The following CBLL1 variants were observed in gnomAD, a reference collection of about 807,000 sequenced individuals.
CBLL1 encodes the protein E3 ubiquitin-protein ligase Hakai.
CBLL1 carries 4 observed loss-of-function variants against 44.9 expected under a neutral mutation model. The ratio of observed to expected loss-of-function variants is 0.09; its 90% confidence interval spans 0.04 to 0.20. The LOEUF is 0.20. CBLL1 is among the 10% of genes least tolerant of loss of function. The probability of loss-of-function intolerance (pLI) is 1.00; values close to 1 mark genes in which losing one functional copy is unlikely to be tolerated. For missense variants in CBLL1, 569 were observed against 636.7 expected (o/e 0.89, Z 1.14); for synonymous variants, 235 against 202.2 (o/e 1.16, Z -1.38).
In CBLL1 at chr7:107,758,409, A is replaced by G; in HGVS notation, c.707A>G (p.Gln236Arg). Residue 236 changes from glutamine (Q) to arginine (R), a missense_variant, in exon 6 of 6, where the codon CAG becomes CGG. By Grantham distance (43) the Gln-to-Arg change is conservative (BLOSUM62 1). Coordinates refer to ENST00000440859, the MANE Select transcript of CBLL1 (RefSeq NM_024814.4). This position sits in a 1 kb window ranked among gnomAD's most constrained non-coding sequence, Gnocchi z 4.2. ...CATATGAGCCATATTCCGCCAAAGCAGCACATCATGATGCCACCACCTCCT... is the reference window on the plus strand; with the variant it reads ...CATATGAGCCATATTCCGCCAAAGCGGCACATCATGATGCCACCACCTCCT... ...KHHMSHIPPK[Q>R]HIMMPPPPLQ... 6.8e-6 allele frequency: 11 copies of G among 1,614,152 alleles called. No individual in the cohort carries two copies. The highest frequency in any genetic ancestry group is 9.3e-6 in the Non-Finnish European group (11 of 1,180,032).
At chr7:107,752,579 C>T (rs1019907930) in intron 2 of CBLL1, 30 of 1,289,254 alleles carry the variant, frequency 2.3e-5, no homozygotes, top group East Asian at 5.5e-5. Flanking sequence ...AAGCCTGGCT[C>T]CTTGGAGGGA....
rs1793680971 is a variant in CBLL1 at position 107,759,520 on chromosome 7, G to T, written c.*342G>T. On this transcript the variant is annotated 3_prime_UTR_variant, in exon 6 of 6. Coordinates refer to ENST00000440859, the MANE Select transcript of CBLL1 (RefSeq NM_024814.4). ...ATTGTTTTGTTAAACCCAACGTTTA[G>T]TTTTTCTTGTGATACATTTTGTTAA... 2 of 184,554 alleles carry T rather than the reference G, an allele frequency of 1.1e-5. No individual in the cohort carries two copies. The highest frequency in any genetic ancestry group is 2.3e-5 in the African/African-American group (1 of 42,602). The allele number at this position is 184,554 out of a possible 1,614,324, so 11.4% of individuals were successfully genotyped here. A position where few individuals can be genotyped will look rare whatever the true frequency, so the allele number is the denominator to read the frequency against.
chr7:107,755,376 T>C (rs1793483905), intron 4 of CBLL1, 42 bp from the exon 5 acceptor site: 5 of 1,094,256 alleles, frequency 4.6e-6, no homozygotes, highest in African/African-American at 3.3e-5. Flanking sequence ...AAAAATATTA[T>C]AAGTTCTAAT....
rs1468486976 is a variant in CBLL1 at position 107,758,944 on chromosome 7, A to G, written c.1242A>G (p.Pro414=). Residue 414 remains proline (P), a synonymous_variant, in exon 6 of 6, where the codon CCA becomes CCG. Transcript: ENST00000440859. This position sits in a 1 kb window ranked among gnomAD's most constrained non-coding sequence, Gnocchi z 4.2. The part of the protein sequence containing the change: ...PGPPPPQHGG[P]PVTAPPPHHY... ...CTCCCCCACCTCAACATGGTGGTCC[A>G]CCTGTAACTGCACCCCCTCCTCACC... 5.6e-6 allele frequency: 9 copies of G among 1,613,456 alleles called. No individual in the cohort carries two copies. In the Admixed American group the frequency reaches 1.3e-4, roughly 24 times the overall value.
At chr7:107,746,103 A>G (rs1435342857) in intron 1 of CBLL1, among the ~76,000 whole-genome samples, 1 of 152,224 alleles carries the variant, frequency 6.6e-6, no homozygotes, top group Non-Finnish European at 1.5e-5. Context: ...GGGAATTTAT[A>G]GAGTTGAAAC....
At position 107,758,009 on chromosome 7, in the gene CBLL1, C is replaced by T; in HGVS notation, c.441-134C>T. ...AAGATTAAAGGTTTGCGTAGAATAA[C>T]TGTAACTTCTAATTGTGGACTTTTG... is the stretch of plus-strand genomic sequence containing the variant. On this transcript the variant is annotated intron_variant, in intron 5 of 5. Coordinates refer to ENST00000440859, the MANE Select transcript of CBLL1 (RefSeq NM_024814.4). The surrounding 1 kb of genome is among the most constrained non-coding windows in gnomAD (Gnocchi z 4.2). The T allele has an allele frequency of 1.3e-6, 1 of 796,264 alleles. No individual in the cohort carries two copies. Among genetic ancestry groups the T allele is most frequent in the South Asian group, 1.9e-5 (1 of 51,838 alleles). 49.3% of individuals were successfully genotyped at this position (796,264 alleles called of 1,614,324 possible).
chr7:107,749,079 T>C (rs772341653), intron 2 of CBLL1, 32 bp downstream of exon 2: 11 of 1,602,796 alleles, frequency 6.9e-6, no homozygotes, highest in South Asian at 2.2e-5. Flanking sequence ...TCCAACACTC[T>C]TTCTGTTTTA....
At position 107,750,775 on chromosome 7, in the gene CBLL1, A is replaced by G. The variant is rs182753012; in HGVS notation, c.181+1728A>G. ...AAATGTAGCCCTGTTTTTATAAACA[A>G]TTTTATTGGAACACAGCTATGCTCA... is the stretch of plus-strand genomic sequence containing the variant. On this transcript the variant is annotated intron_variant, in intron 2 of 5. Coordinates refer to ENST00000440859, the MANE Select transcript of CBLL1 (RefSeq NM_024814.4). Among the ~76,000 whole-genome samples the G allele has an allele frequency of 9.8e-5, 15 of 152,296 alleles. No homozygotes were observed. In the East Asian group the frequency reaches 2.5e-3, roughly 25 times the overall value.
chr7:107,748,240 A>G (rs1169032726), intron 1 of CBLL1, among the ~76,000 whole-genome samples: 1 of 152,228 alleles, frequency 6.6e-6, no homozygotes, highest in African/African-American at 2.4e-5. Flanking sequence ...AGTGCTGACT[A>G]AGAACTCAGT....
intron 1 of CBLL1, among the ~76,000 whole-genome samples, chr7:107,746,342 T>A (rs1793013549): frequency 6.6e-6 from 1 of 152,212 alleles, no homozygotes; most frequent in African/African-American, 2.4e-5. Context: ...ACGAATGAGC[T>A]GACCACTTAA....
At chr7:107,748,132 T>C (rs1242519265) in intron 1 of CBLL1, among the ~76,000 whole-genome samples, 1 of 152,116 alleles carries the variant, frequency 6.6e-6, no homozygotes, top group Admixed American at 6.5e-5. Context: ...CTATAGACAA[T>C]AACAAGCAAA....
At chr7:107,755,138 C>G (rs886335319) in intron 4 of CBLL1, among the ~76,000 whole-genome samples, 1 of 151,956 alleles carries the variant, frequency 6.6e-6, no homozygotes, top group East Asian at 1.9e-4. Context: ...AGGAAAAAAA[C>G]GTGTGGGGAC....
intron 1 of CBLL1, chr7:107,744,497 T>C: frequency 2.2e-5 from 8 of 369,172 alleles, no homozygotes; most frequent in African/African-American, 1.5e-4. Context: ...CCAGCTGCTC[T>C]GGCCTACGTT....
rs1381272297 is a variant in CBLL1, at chr7:107,760,501, T to G, written c.*1323T>G. On this transcript the variant is annotated 3_prime_UTR_variant, in exon 6 of 6. Coordinates refer to ENST00000440859, the MANE Select transcript of CBLL1 (RefSeq NM_024814.4). ...TACATGGTGCCTTTCGAGTCAGCTTTTACATTATAGGGGCTTGTTATAGTT... is the reference window on the plus strand; with the variant it reads ...TACATGGTGCCTTTCGAGTCAGCTTGTACATTATAGGGGCTTGTTATAGTT... The G allele has an allele frequency of 6.6e-6, 1 of 152,220 alleles. No individual in the cohort carries two copies. The highest frequency in any genetic ancestry group is 6.5e-5 in the Admixed American group (1 of 15,272). The allele number at this position is 152,220 out of a possible 1,614,324, so 9.4% of individuals were successfully genotyped here.
At chr7:107,755,530 GT>G in intron 5 of CBLL1, 39 bp downstream of exon 5, 1 of 1,192,476 alleles carries the variant, frequency 8.4e-7, no homozygotes. Flanking sequence ...AAATAATAAA[GT>G]TTTAGTGCAA....
At chr7:107,751,242 C>T (rs577735282) in intron 2 of CBLL1, among the ~76,000 whole-genome samples, 16 of 152,068 alleles carry the variant, frequency 1.1e-4, no homozygotes, top group Admixed American at 7.9e-4. Flanking sequence ...ATAGGGTTTG[C>T]GTTCCTATGA....
chr7:107,748,848 A>C, intron 1 of CBLL1, 32 bp from the exon 2 acceptor site: 1 of 1,547,912 alleles, frequency 6.5e-7, no homozygotes, highest in South Asian at 1.3e-5. Flanking sequence ...AGAAAAACTA[A>C]AAGAAATTAC....
intron 2 of CBLL1, among the ~76,000 whole-genome samples, chr7:107,749,978 C>T (rs1793212077): frequency 6.6e-6 from 1 of 151,894 alleles, no homozygotes; most frequent in South Asian, 2.1e-4. Flanking sequence ...TTTTTTGAGA[C>T]TGAGTCTTAC....
At chr7:107,755,964 A>G (rs116673419) in intron 5 of CBLL1, among the ~76,000 whole-genome samples, 2,066 of 152,224 alleles carry the variant, frequency 0.014, 35 homozygotes, top group African/African-American at 0.047. Flanking sequence ...TAACATATGT[A>G]CACAGATACA....
Sources: allele counts gnomAD v4.1 joint callset (sites outside exome capture counted in the v4.1 genomes callset), GRCh38; gene constraint gnomAD v4.1.1; non-coding constraint Gnocchi (gnomAD v3.1); transcripts MANE v1.5; gene names NCBI Gene and HGNC (gene_info 2026-07-23, HGNC 2026-07-21).